The following DPP10 variants were observed in gnomAD, a reference collection of about 807,000 sequenced individuals.
DPP10 encodes dipeptidyl peptidase like 10.
DPP10 carries 33 observed loss-of-function variants against 120.9 expected under a neutral mutation model. That is an observed-to-expected ratio of 0.27 (90% CI 0.21 to 0.37). DPP10 has a LOEUF of 0.37. Ranked by LOEUF, DPP10 falls within the 10% of genes least tolerant of loss-of-function variation. DPP10 has a pLI of 1.00. For missense variants in DPP10, 816 were observed against 942.8 expected, an observed-to-expected ratio of 0.87 and a Z score of 1.76; for synonymous variants, 337 against 326.1, an observed-to-expected ratio of 1.03 and a Z score of -0.36.
At chr2:115,147,324 A>G (rs532920238) in intron 1 of DPP10, among the ~76,000 whole-genome samples, 1 of 152,112 alleles carries the variant, frequency 6.6e-6, no homozygotes, top group South Asian at 2.1e-4. Flanking sequence ...AAATAAACAG[A>G]CATGTTTTTG....
chr2:115,780,649 A>G (rs1470566899), intron 15 of DPP10, among the ~76,000 whole-genome samples: 2 of 151,856 alleles, frequency 1.3e-5, no homozygotes, highest in African/African-American at 4.8e-5. Flanking sequence ...CATACATAAA[A>G]TAATACATAA....
At chr2:115,740,294 A>T (rs1176631401) in intron 9 of DPP10, among the ~76,000 whole-genome samples, 1 of 152,164 alleles carries the variant, frequency 6.6e-6, no homozygotes, top group African/African-American at 2.4e-5. Flanking sequence ...TCTTAAAAAA[A>T]AATCTAGCTT....
chr2:115,550,290 G>T (rs17044659), intron 5 of DPP10, among the ~76,000 whole-genome samples: 3 of 152,062 alleles, frequency 2.0e-5, no homozygotes, highest in African/African-American at 7.2e-5. Context: ...CATGGCATGC[G>T]TATCATCCAA....
At chr2:115,679,085 A>T (rs1187950258) in intron 5 of DPP10, among the ~76,000 whole-genome samples, 1 of 152,198 alleles carries the variant, frequency 6.6e-6, no homozygotes, top group African/African-American at 2.4e-5. Flanking sequence ...GCCTTGTCTC[A>T]GATGAGACTT....
At chr2:114,752,844 G>T (rs903029093) in intron 1 of DPP10, among the ~76,000 whole-genome samples, 6 of 152,202 alleles carry the variant, frequency 3.9e-5, no homozygotes, top group African/African-American at 9.7e-5. Flanking sequence ...TAAAATCATA[G>T]GTTTGCTGAT....
intron 1 of DPP10, among the ~76,000 whole-genome samples, chr2:114,580,057 A>G (rs1236362003): frequency 6.6e-6 from 1 of 152,232 alleles, no homozygotes; most frequent in Non-Finnish European, 1.5e-5. Context: ...AGAGCTTTAC[A>G]TGTCTAACAA....
intron 4 of DPP10, among the ~76,000 whole-genome samples, chr2:115,518,792 T>C (rs1201203353): frequency 6.6e-6 from 1 of 152,172 alleles, no homozygotes; most frequent in East Asian, 1.9e-4. Flanking sequence ...ACACACATTG[T>C]ATAAGGCCAT....
intron 1 of DPP10, chr2:114,829,016 C>A (rs891757844): frequency 6.6e-5 from 10 of 152,134 alleles, no homozygotes; most frequent in African/African-American, 2.4e-4. Context: ...AGGCCAGGTG[C>A]GGTGGCTCAG....
chr2:115,771,214 A>G (rs941201253), intron 13 of DPP10, among the ~76,000 whole-genome samples: 2 of 151,930 alleles, frequency 1.3e-5, no homozygotes, highest in African/African-American at 2.4e-5. Context: ...AGCTGGGATT[A>G]CAGGCACCCG....
intron 5 of DPP10, among the ~76,000 whole-genome samples, chr2:115,540,393 A>C (rs923615286): frequency 6.6e-6 from 1 of 151,882 alleles, no homozygotes; most frequent in Non-Finnish European, 1.5e-5. Flanking sequence ...AGTACAGTGT[A>C]TGTGCACATT....
intron 17 of DPP10, among the ~76,000 whole-genome samples, chr2:115,784,200 A>G (rs1683088173): frequency 6.6e-6 from 1 of 152,210 alleles, no homozygotes; most frequent in Admixed American, 6.5e-5. Context: ...TTCTTTTCAA[A>G]AGATAATTAC....
At position 114,671,311 on chromosome 2, in the gene DPP10, C is replaced by G. The variant is rs77322975; in HGVS notation, c.60+228473C>G. On this transcript the variant is annotated intron_variant, in intron 1 of 25. Coordinates refer to ENST00000410059, the MANE Select transcript of DPP10 (RefSeq NM_020868.6). ...AAGATGCATTCCTCACAATGTAACA[C>G]TGTTGTTAAGTGTCATGTGACTCTA... is the stretch of plus-strand genomic sequence containing the variant. 5.0e-3 allele frequency among the ~76,000 whole-genome samples: 757 copies of G among 152,222 alleles called. 3 individuals are homozygous for G. The highest frequency in any genetic ancestry group is 0.017 in the African/African-American group (692 of 41,530).
At chr2:115,819,008 A>G (rs1238556699) in intron 21 of DPP10, among the ~76,000 whole-genome samples, 1 of 152,210 alleles carries the variant, frequency 6.6e-6, no homozygotes, top group Non-Finnish European at 1.5e-5. Flanking sequence ...TGTTTATCCT[A>G]AGATTCCGTA....
chr2:115,062,357 G>C (rs1191139862), intron 1 of DPP10, among the ~76,000 whole-genome samples: 1 of 152,038 alleles, frequency 6.6e-6, no homozygotes, highest in East Asian at 1.9e-4. Context: ...TTAAAAATAA[G>C]TTACACTCAA....
chr2:114,954,617 A>G (rs1472563473), intron 1 of DPP10, among the ~76,000 whole-genome samples: 2 of 152,188 alleles, frequency 1.3e-5, no homozygotes, highest in African/African-American at 2.4e-5. Flanking sequence ...TAAGAGCAGT[A>G]ATAAATGAAA....
chr2:115,040,804 C>A (rs1391551223), intron 1 of DPP10, among the ~76,000 whole-genome samples: 1 of 152,056 alleles, frequency 6.6e-6, no homozygotes, highest in Non-Finnish European at 1.5e-5. Context: ...GCTCTCCTGT[C>A]GCCTTCTGCC....
At chr2:115,300,888 G>A (rs558505473) in intron 1 of DPP10, among the ~76,000 whole-genome samples, 20 of 152,060 alleles carry the variant, frequency 1.3e-4, no homozygotes, top group African/African-American at 4.3e-4. Context: ...GGATTTCCCT[G>A]TTTCTTTATA....
intron 5 of DPP10, among the ~76,000 whole-genome samples, chr2:115,602,324 T>TA (rs1435590968): frequency 3.9e-5 from 6 of 152,254 alleles, no homozygotes; most frequent in Non-Finnish European, 7.4e-5. Flanking sequence ...ATGAATGGTT[T>TA]AAAAAAATGC....
chr2:114,939,660 T>A (rs150128824), intron 1 of DPP10, among the ~76,000 whole-genome samples: 216 of 152,212 alleles, frequency 1.4e-3, no homozygotes, highest in African/African-American at 5.0e-3. Flanking sequence ...TTAACTGAAA[T>A]TCTCCTCTTA....
Sources: gnomAD v4.1 joint callset for allele counts (sites outside exome capture counted in the v4.1 genomes callset) on GRCh38, gnomAD v4.1.1 for gene constraint, MANE v1.5 for transcripts, NCBI Gene and HGNC (gene_info 2026-07-23, HGNC 2026-07-21) for gene names.